SGIP1: variants seen among roughly 807,000 people sequenced by gnomAD.
The protein encoded by SGIP1 is SH3GL interacting endocytic adaptor 1.
In SGIP1, 38 loss-of-function variants were observed where a neutral mutation model predicts 107.5. That is an observed-to-expected ratio of 0.35 (90% confidence interval 0.27 to 0.46). The LOEUF (loss-of-function observed/expected upper bound fraction) is 0.46, where lower values mean the gene tolerates loss of function less well. Ranked by LOEUF, SGIP1 falls within the 20% of genes least tolerant of loss-of-function variation. The pLI is 1.00. For missense variants in SGIP1, 929 were observed against 1,019.5 expected, an observed-to-expected ratio of 0.91 and a Z score of 1.21; for synonymous variants, 365 against 366.1, an observed-to-expected ratio of 1.00 and a Z score of 0.03.
chr1:66,664,177 T>A (rs1480907810), intron 8 of SGIP1, among the ~76,000 whole-genome samples: 1 of 152,154 alleles, frequency 6.6e-6, no homozygotes, highest in Non-Finnish European at 1.5e-5. Context: ...AGTATTTGAA[T>A]TTTCCTCAAA....
intron 2 of SGIP1, among the ~76,000 whole-genome samples, chr1:66,626,761 T>A (rs1025249256): frequency 1.3e-5 from 2 of 152,006 alleles, no homozygotes; most frequent in Non-Finnish European, 2.9e-5. Flanking sequence ...TGTGACCAGG[T>A]AGAAATGCAG....
Position 66,680,904 on chromosome 1 carries a change from T to C in SGIP1, c.815-965T>C, listed in dbSNP as rs1432602837. Among the ~76,000 whole-genome samples the C allele has an allele frequency of 7.2e-5, 11 of 152,208 alleles. 1 individual carries two copies. The highest frequency in any genetic ancestry group is 7.2e-4 in the Admixed American group (11 of 15,286). On this transcript the variant is annotated intron_variant, in intron 14 of 24. Transcript: ENST00000371037. ...CAATTTGTAATGTGAATAATCTCAG[T>C]TTTTAAAAAGTGCAGTTCTTCATAC...
intron 8 of SGIP1, among the ~76,000 whole-genome samples, chr1:66,662,877 A>G (rs889352690): frequency 6.6e-6 from 1 of 152,212 alleles, no homozygotes; most frequent in African/African-American, 2.4e-5. Context: ...GTCTCTGAGT[A>G]ATCAGACATA....
chr1:66,683,408 T>G (rs1241518238), intron 15 of SGIP1, among the ~76,000 whole-genome samples: 1 of 152,182 alleles, frequency 6.6e-6, no homozygotes, highest in Admixed American at 6.5e-5. Flanking sequence ...CATCACTGCC[T>G]CTTTCAATGA....
chr1:66,682,014 G>A lies in SGIP1; in HGVS notation c.960G>A (p.Pro320=), dbSNP rs146689605. 3.6e-4 allele frequency: 577 copies of A among 1,614,092 alleles called. 3 individuals carry two copies. Among genetic ancestry groups the A allele is most frequent in the Admixed American group, 1.5e-3 (90 of 60,014 alleles). The change falls in exon 15 of 25, where the codon CCG becomes CCA. Residue 320 remains proline, a synonymous_variant. Coordinates refer to ENST00000371037, the MANE Select transcript of SGIP1 (RefSeq NM_032291.4). ...GGGTCCATTTTTCTGATACATCCCC[G>A]GAACATGTTACTCCGGAGTTGACTC... ...EKWVHFSDTS[P]EHVTPELTPR...
intron 1 of SGIP1, among the ~76,000 whole-genome samples, chr1:66,539,699 C>A (rs969107079): frequency 1.3e-5 from 2 of 152,196 alleles, no homozygotes; most frequent in Non-Finnish European, 2.9e-5. Flanking sequence ...TGCCTCAGGG[C>A]TTTTTCTTTG....
At chr1:66,618,930 G>C (rs1379455722) in intron 1 of SGIP1, among the ~76,000 whole-genome samples, 1 of 152,200 alleles carries the variant, frequency 6.6e-6, no homozygotes, top group Non-Finnish European at 1.5e-5. Flanking sequence ...TGGATTCTGA[G>C]TATGGTCACA....
intron 12 of SGIP1, 26 bp downstream of exon 12, chr1:66,673,392 T>A (rs753088447): frequency 2.8e-5 from 44 of 1,555,728 alleles, no homozygotes; most frequent in Non-Finnish European, 3.5e-5. Context: ...CCATATATTA[T>A]AGATTTGTTT....
At chr1:66,732,041 G>T (rs189452318) in intron 20 of SGIP1, among the ~76,000 whole-genome samples, 6 of 152,120 alleles carry the variant, frequency 3.9e-5, no homozygotes, top group African/African-American at 1.4e-4. Context: ...ATTAAAGCAG[G>T]TTCTCTAAGA....
At chr1:66,646,788 C>A (rs1243759071) in intron 7 of SGIP1, among the ~76,000 whole-genome samples, 1 of 152,076 alleles carries the variant, frequency 6.6e-6, no homozygotes, top group Non-Finnish European at 1.5e-5. Flanking sequence ...TACAGTTAGA[C>A]AAATAAACAA....
At chr1:66,701,349 A>T (rs1167599847) in intron 18 of SGIP1, among the ~76,000 whole-genome samples, 1 of 152,138 alleles carries the variant, frequency 6.6e-6, no homozygotes, top group Non-Finnish European at 1.5e-5. Flanking sequence ...ATAACAGGAA[A>T]ATTATTAAGT....
intron 7 of SGIP1, among the ~76,000 whole-genome samples, chr1:66,644,243 A>G (rs1320981015): frequency 1.3e-5 from 2 of 152,186 alleles, no homozygotes; most frequent in Non-Finnish European, 2.9e-5. Flanking sequence ...GTATTATCAA[A>G]TTGACTTAAA....
intron 18 of SGIP1, among the ~76,000 whole-genome samples, chr1:66,713,099 C>T (rs553859544): frequency 2.6e-4 from 39 of 152,234 alleles, no homozygotes; most frequent in Non-Finnish European, 3.8e-4. Context: ...TCAGTCAGTG[C>T]TTGGTTTGCA....
intron 3 of SGIP1, among the ~76,000 whole-genome samples, chr1:66,635,302 G>A (rs1185394833): frequency 1.3e-5 from 2 of 152,222 alleles, no homozygotes; most frequent in African/African-American, 4.8e-5. Flanking sequence ...GTCTGTCATG[G>A]TGTCCGAGTG....
intron 18 of SGIP1, among the ~76,000 whole-genome samples, chr1:66,709,734 A>C (rs978310511): frequency 1.3e-5 from 2 of 152,176 alleles, no homozygotes; most frequent in East Asian, 3.9e-4. Context: ...TTTAAGCTTC[A>C]GTTTGTCAGC....
At chr1:66,702,328 A>T (rs967232889) in intron 18 of SGIP1, among the ~76,000 whole-genome samples, 4 of 152,184 alleles carry the variant, frequency 2.6e-5, no homozygotes, top group African/African-American at 9.7e-5. Context: ...CACAAAACTG[A>T]TGTTCCTAAC....
intron 1 of SGIP1, among the ~76,000 whole-genome samples, chr1:66,562,639 G>T (rs1325328921): frequency 2.6e-5 from 4 of 152,042 alleles, no homozygotes; most frequent in African/African-American, 4.8e-5. Flanking sequence ...ATTTGTTTTG[G>T]TTTTTTTCTT....
Position 66,686,312 on chromosome 1 carries a change from G to A in SGIP1, c.1316-2836G>A, listed in dbSNP as rs544255660. 1.1e-4 allele frequency among the ~76,000 whole-genome samples: 17 copies of A among 152,138 alleles called. No individual in the cohort carries two copies. In the South Asian group the frequency reaches 3.3e-3, roughly 30 times the overall value. ...GTCTTCGGGGGTTGCCAAGCACATTGATTAGACCAGGTTGAGAACAACAAA... is the reference window on the plus strand; with the variant it reads ...GTCTTCGGGGGTTGCCAAGCACATTAATTAGACCAGGTTGAGAACAACAAA... On this transcript the variant is annotated intron_variant, in intron 15 of 24. Coordinates refer to ENST00000371037, the MANE Select transcript of SGIP1 (RefSeq NM_032291.4).
intron 1 of SGIP1, among the ~76,000 whole-genome samples, chr1:66,572,315 A>G (rs1435991242): frequency 6.6e-6 from 1 of 152,090 alleles, no homozygotes; most frequent in Non-Finnish European, 1.5e-5. Context: ...TCACTTGTAA[A>G]CACCACCAAC....
Sources: gnomAD v4.1 joint callset for allele counts (sites outside exome capture counted in the v4.1 genomes callset) on GRCh38, gnomAD v4.1.1 for gene constraint, MANE v1.5 for transcripts, NCBI Gene and HGNC (gene_info 2026-07-23, HGNC 2026-07-21) for gene names.